EEF2K: variants seen among roughly 807,000 people sequenced by gnomAD.
The protein encoded by EEF2K is eukaryotic elongation factor 2 kinase.
EEF2K carries 70 observed loss-of-function variants against 93.8 expected under a neutral mutation model. That is an observed-to-expected ratio of 0.75 (90% CI 0.62 to 0.91). The LOEUF (loss-of-function observed/expected upper bound fraction) is 0.91. EEF2K is among the 40% of genes least tolerant of loss of function. The pLI, the probability that EEF2K is intolerant of heterozygous loss-of-function variation, is 0.00. For synonymous variants in EEF2K, 376 were observed against 380.8 expected, an observed-to-expected ratio of 0.99 and a Z score of 0.15; for missense variants, 935 against 972.9, an observed-to-expected ratio of 0.96 and a Z score of 0.52.
chr16:22,256,315 C>G (rs2047398249), intron 6 of EEF2K, among the ~76,000 whole-genome samples: 1 of 152,006 alleles, frequency 6.6e-6, no homozygotes, highest in Non-Finnish European at 1.5e-5. Flanking sequence ...CACGGTTGGT[C>G]TCCAACTCCT....
chr16:22,271,195 A>G (rs933633941), intron 15 of EEF2K, among the ~76,000 whole-genome samples: 5 of 151,290 alleles, frequency 3.3e-5, no homozygotes, highest in Non-Finnish European at 5.9e-5. Context: ...GTCTCGAACT[A>G]CTGACCTCAG....
intron 1 of EEF2K, among the ~76,000 whole-genome samples, chr16:22,211,431 TTTTGTTTGTTTTTG>T: frequency 6.6e-6 from 1 of 152,130 alleles, no homozygotes; most frequent in East Asian, 1.9e-4. Flanking sequence ...CAGTAGGTTG[TTTTGTTTGTTTTTG>T]TTTGTTTGTT....
intron 16 of EEF2K, among the ~76,000 whole-genome samples, chr16:22,277,119 A>AT (rs1273331609): frequency 6.6e-6 from 1 of 152,128 alleles, no homozygotes; most frequent in Non-Finnish European, 1.5e-5. Flanking sequence ...CAAATGGTCC[A>AT]TTTTTTAAAT....
chr16:22,250,274 AGG>A (rs1180232645), intron 4 of EEF2K, among the ~76,000 whole-genome samples: 1 of 152,202 alleles, frequency 6.6e-6, no homozygotes, highest in African/African-American at 2.4e-5. Flanking sequence ...ATTTCATTGA[AGG>A]AATACACCTG....
Position 22,264,834 on chromosome 16 carries a change from A to T in EEF2K, c.1394A>T (p.Asn465Ile), listed in dbSNP as rs1333170038. The change falls in exon 13 of 18, where the codon AAT (asparagine) becomes ATT (isoleucine). Residue 465 changes from asparagine (N) to isoleucine (I), a missense_variant. Asn to Ile is a moderately radical substitution (Grantham distance 149). Coordinates refer to ENST00000263026, the MANE Select transcript of EEF2K (RefSeq NM_013302.5). ...EPREHGHSYS[N>I]RKYESDEDSL... ...TCCGTTCAGGGCCACTCATACAGTA[A>T]TCGGAAGTACGAGTCTGACGAAGAC... 9.9e-6 allele frequency: 16 copies of T among 1,613,866 alleles called. No individual in the cohort carries two copies. In the East Asian group the frequency reaches 3.6e-4, roughly 36 times the overall value.
chr16:22,274,718 C>T (rs915717581), intron 16 of EEF2K, among the ~76,000 whole-genome samples: 1 of 152,152 alleles, frequency 6.6e-6, no homozygotes, highest in African/African-American at 2.4e-5. Flanking sequence ...AGCAGTCCTC[C>T]CGCCTCAGCC....
chr16:22,232,147 T>C (rs62044767), intron 2 of EEF2K, among the ~76,000 whole-genome samples: 6,273 of 152,162 alleles, frequency 0.041, 166 homozygotes, highest in Non-Finnish European at 0.061. Flanking sequence ...TTCACACCTC[T>C]GCCTTATAAA....
intron 15 of EEF2K, among the ~76,000 whole-genome samples, chr16:22,270,740 A>AT (rs2047571191): frequency 6.6e-6 from 1 of 152,118 alleles, no homozygotes; most frequent in Non-Finnish European, 1.5e-5. Flanking sequence ...AAATGGTAGA[A>AT]TATTGGCAGT....
chr16:22,210,906 T>C (rs567600302), intron 1 of EEF2K, among the ~76,000 whole-genome samples: 12 of 152,156 alleles, frequency 7.9e-5, no homozygotes, highest in Non-Finnish European at 1.8e-4. Flanking sequence ...TAAGTGATAC[T>C]GAAATGCTAC....
chr16:22,257,120 C>A, intron 7 of EEF2K, 133 bp from the exon 8 acceptor site: 1 of 1,500,720 alleles, frequency 6.7e-7, no homozygotes, highest in Non-Finnish European at 9.0e-7. Context: ...CTGAAGAGGC[C>A]TTTTTCCTTT....
intron 17 of EEF2K, among the ~76,000 whole-genome samples, chr16:22,283,383 A>G (rs1354835501): frequency 1.3e-5 from 2 of 152,128 alleles, no homozygotes; most frequent in Non-Finnish European, 2.9e-5. Flanking sequence ...TTAAATCCAA[A>G]AAGCTCCAAA....
chr16:22,267,065 G>A (rs566389329), intron 15 of EEF2K, among the ~76,000 whole-genome samples, 189 bp downstream of exon 15: 7 of 152,292 alleles, frequency 4.6e-5, no homozygotes, highest in African/African-American at 9.6e-5. Context: ...TGGCAGAATC[G>A]ATCTCTGTCT....
chr16:22,228,364 C>A (rs1318548009), intron 2 of EEF2K, among the ~76,000 whole-genome samples: 2 of 152,104 alleles, frequency 1.3e-5, no homozygotes, highest in African/African-American at 2.4e-5. Context: ...CGGCTCACAC[C>A]CGTAATCCCA....
At chr16:22,269,589 A>C (rs985257418) in intron 15 of EEF2K, among the ~76,000 whole-genome samples, 7 of 151,772 alleles carry the variant, frequency 4.6e-5, no homozygotes, top group Non-Finnish European at 1.0e-4. Flanking sequence ...TTTAGTGGAG[A>C]TGGGGTTTCA....
chr16:22,281,334 T>C (rs1351819795), intron 17 of EEF2K, among the ~76,000 whole-genome samples: 1 of 151,268 alleles, frequency 6.6e-6, no homozygotes, highest in African/African-American at 2.4e-5. Context: ...GGAACTCCTA[T>C]GCTCAAGCAA....
intron 3 of EEF2K, among the ~76,000 whole-genome samples, chr16:22,246,973 G>A (rs1214939558): frequency 6.8e-6 from 1 of 146,086 alleles, no homozygotes; most frequent in African/African-American, 2.6e-5. Context: ...AGGAGACAGA[G>A]GTTGCAGTGA....
intron 6 of EEF2K, among the ~76,000 whole-genome samples, chr16:22,254,232 C>T (rs1462557099): frequency 6.6e-6 from 1 of 152,164 alleles, no homozygotes; most frequent in Non-Finnish European, 1.5e-5. Flanking sequence ...CACTGCCCCT[C>T]GCCCAGGGAG....
intron 15 of EEF2K, among the ~76,000 whole-genome samples, chr16:22,273,182 C>A (rs567885564): frequency 6.6e-6 from 1 of 152,320 alleles, no homozygotes; most frequent in South Asian, 2.1e-4. Flanking sequence ...GGCTGCCCCA[C>A]AGGCAGTGTG....
At chr16:22,250,423 C>T (rs931205451) in intron 4 of EEF2K, among the ~76,000 whole-genome samples, 1 of 152,126 alleles carries the variant, frequency 6.6e-6, no homozygotes, top group East Asian at 1.9e-4. Context: ...TTCTTCCCCT[C>T]AGCTGGGGTG....
Sources: allele counts gnomAD v4.1 joint callset (sites outside exome capture counted in the v4.1 genomes callset), GRCh38; gene constraint gnomAD v4.1.1; transcripts MANE v1.5; gene names NCBI Gene and HGNC (gene_info 2026-07-23, HGNC 2026-07-21).